The following DAPK2 variants were observed in gnomAD, a reference collection of about 807,000 sequenced individuals.
DAPK2 encodes the protein death-associated protein kinase 2.
Under a neutral mutation model 44.1 loss-of-function variants are expected in DAPK2, and 35 were observed. The observed-to-expected ratio is 0.79, with a 90% confidence interval of 0.61 to 1.05. DAPK2 has a LOEUF of 1.05. Among genes scored for constraint, DAPK2 ranks in the 50% least tolerant of loss-of-function variants. DAPK2 has a pLI of 0.00. For synonymous variants in DAPK2, 174 were observed against 182.6 expected (o/e 0.95, Z 0.38); for missense variants, 453 against 483.2 (o/e 0.94, Z 0.59).
At position 64,013,872 on chromosome 15, in the gene DAPK2, G is replaced by A. The variant is rs764547247; in HGVS notation, c.92+26298C>T. Among the ~76,000 whole-genome samples, 6 of 152,218 alleles carry A rather than the reference G, an allele frequency of 3.9e-5. No homozygotes were observed. Among genetic ancestry groups the A allele is most frequent in the Non-Finnish European group, 5.9e-5 (4 of 68,042 alleles). ...ATCATGATGCCATTATGAGCAGATA[G>A]AAATCTCCTGCTTCAGGACTAATTA... On this transcript the variant is annotated intron_variant, in intron 1 of 10. Coordinates refer to ENST00000261891, the Ensembl canonical transcript of DAPK2. This position sits in a 1 kb window ranked among gnomAD's most constrained non-coding sequence, Gnocchi z 4.7.
chr15:63,932,816 T>A (rs1195267862), intron 4 of DAPK2: 1 of 152,248 alleles, frequency 6.6e-6, no homozygotes, highest in African/African-American at 2.4e-5. Flanking sequence ...ATAAAAATGC[T>A]GTCATACTGC....
At chr15:63,991,534 C>T (rs995497539) in intron 1 of DAPK2, among the ~76,000 whole-genome samples, 10 of 152,142 alleles carry the variant, frequency 6.6e-5, no homozygotes, top group Non-Finnish European at 1.5e-4. Context: ...CACCGAAGTC[C>T]AATATGTAAA....
chr15:63,965,718 C>T (rs1206545140), intron 3 of DAPK2, among the ~76,000 whole-genome samples: 1 of 152,194 alleles, frequency 6.6e-6, no homozygotes, highest in Non-Finnish European at 1.5e-5. Flanking sequence ...GAGGCATCTC[C>T]CCCCATGGCC....
intron 1 of DAPK2, chr15:63,991,211 A>G (rs1273155469): frequency 2.2e-6 from 1 of 456,216 alleles, no homozygotes; most frequent in Non-Finnish European, 4.4e-6. Context: ...AGACAAGGGT[A>G]AGGAGGAAAA....
intron 1 of DAPK2, among the ~76,000 whole-genome samples, chr15:64,006,466 C>T (rs1049043310): frequency 1.1e-4 from 17 of 152,146 alleles, no homozygotes; most frequent in African/African-American, 4.1e-4. Flanking sequence ...GGACGTACAA[C>T]ATCGTCACCT....
At position 63,923,314 on chromosome 15, in the gene DAPK2, C is replaced by T. The variant is rs1261691353; in HGVS notation, c.858+1502G>A. The T allele has an allele frequency of 3.9e-6, 6 of 1,535,830 alleles. No individual in the cohort carries two copies. The highest frequency in any genetic ancestry group is 1.4e-5 in the African/African-American group (1 of 73,152). The stretch of plus-strand genomic sequence containing the variant: ...TCAGCTGGGTGGGCTCTGTCTTCCG[C>T]TGTTCAGGGGCTCTGCCTTCTCCTT... On this transcript the variant is annotated intron_variant, in intron 8 of 10. Transcript: ENST00000261891. This position sits in a 1 kb window ranked among gnomAD's most constrained non-coding sequence, Gnocchi z 4.2.
intron 3 of DAPK2, among the ~76,000 whole-genome samples, chr15:63,951,011 C>T (rs528916660): frequency 3.3e-5 from 5 of 152,322 alleles, no homozygotes; most frequent in Middle Eastern, 3.4e-3. Flanking sequence ...GAATATCTTA[C>T]TCAAGGATTC....
intron 6 of DAPK2, among the ~76,000 whole-genome samples, chr15:63,927,353 T>C (rs1170296952): frequency 6.6e-6 from 1 of 152,222 alleles, no homozygotes; most frequent in Non-Finnish European, 1.5e-5. Flanking sequence ...CCTTTTCTCA[T>C]GCCATTTCCT....
intron 3 of DAPK2, among the ~76,000 whole-genome samples, chr15:63,970,164 C>T (rs1022035296): frequency 6.6e-6 from 1 of 152,234 alleles, no homozygotes; most frequent in African/African-American, 2.4e-5. Flanking sequence ...TACATGCTTA[C>T]CTCACTTCTC....
chr15:64,041,668 G>A (rs1489849161), upstream of DAPK2, among the ~76,000 whole-genome samples: 1 of 152,192 alleles, frequency 6.6e-6, no homozygotes, highest in Non-Finnish European at 1.5e-5. Flanking sequence ...TGGGCTCCAC[G>A]AACCCCAAAA....
At chr15:64,037,824 C>A (rs1459898675) in intron 1 of DAPK2, among the ~76,000 whole-genome samples, 2 of 152,152 alleles carry the variant, frequency 1.3e-5, no homozygotes, top group East Asian at 1.9e-4. Context: ...CTGGCCTAGA[C>A]CACAAATCCT....
intron 6 of DAPK2, among the ~76,000 whole-genome samples, chr15:63,929,261 G>A (rs575461415): frequency 9.2e-5 from 14 of 152,240 alleles, no homozygotes; most frequent in Non-Finnish European, 1.5e-4. Flanking sequence ...TCAGTCTGGG[G>A]GAGGGTGAGC....
At chr15:63,945,921 G>A (rs2077438116) in intron 3 of DAPK2, among the ~76,000 whole-genome samples, 1 of 152,330 alleles carries the variant, frequency 6.6e-6, no homozygotes, top group African/African-American at 2.4e-5. Flanking sequence ...ACACACTGCT[G>A]GGTCCAAGCC....
At chr15:63,983,662 C>G in exon 2 of DAPK2, 1 of 1,614,058 alleles carries the variant, frequency 6.2e-7, no homozygotes, top group African/African-American at 1.3e-5. Flanking sequence ...ACCGCGCCGG[C>G]TCGCCCGGCT....
chr15:63,909,221 T>C (rs368792481), intron 10 of DAPK2: 2 of 152,242 alleles, frequency 1.3e-5, no homozygotes, highest in East Asian at 3.8e-4. Context: ...TGATCTAATG[T>C]AATTATAAAA....
At chr15:64,038,653 T>A (rs2080275043) in intron 1 of DAPK2, among the ~76,000 whole-genome samples, 1 of 152,136 alleles carries the variant, frequency 6.6e-6, no homozygotes, top group Non-Finnish European at 1.5e-5. Flanking sequence ...GAAGCTCTTC[T>A]GGCTTTGAAG....
chr15:63,995,397 C>T (rs1425939082), intron 1 of DAPK2, among the ~76,000 whole-genome samples: 1 of 152,066 alleles, frequency 6.6e-6, no homozygotes, highest in Non-Finnish European at 1.5e-5. Flanking sequence ...AAAGATTTTC[C>T]CTAACTGATT....
chr15:64,003,273 G>A (rs1012294642), intron 1 of DAPK2, among the ~76,000 whole-genome samples: 2 of 152,266 alleles, frequency 1.3e-5, no homozygotes, highest in African/African-American at 2.4e-5. Flanking sequence ...TCTAGATTCT[G>A]TCCCTTTTCA....
chr15:63,950,752 T>G (rs895603886), intron 3 of DAPK2, among the ~76,000 whole-genome samples: 7 of 152,212 alleles, frequency 4.6e-5, no homozygotes, highest in Non-Finnish European at 1.0e-4. Context: ...CTTAATACTG[T>G]GTAATCTTGG....
Sources: allele counts gnomAD v4.1 joint callset (sites outside exome capture counted in the v4.1 genomes callset), GRCh38; gene constraint gnomAD v4.1.1; non-coding constraint Gnocchi (gnomAD v3.1); transcripts MANE v1.5; gene names NCBI Gene and HGNC (gene_info 2026-07-23, HGNC 2026-07-21).